Variants in ZBTB41 observed in about 807,000 individuals in gnomAD.
The protein encoded by ZBTB41 is zinc finger and BTB domain-containing protein 41.
ZBTB41 carries 42 observed loss-of-function variants against 87.6 expected under a neutral mutation model. The ratio of observed to expected loss-of-function variants is 0.48; its 90% CI spans 0.37 to 0.62. ZBTB41 has a LOEUF of 0.62. Ranked by LOEUF, ZBTB41 falls within the 20% of genes least tolerant of loss-of-function variation. The probability of loss-of-function intolerance (pLI) is 0.00; values close to 1 mark genes in which losing one functional copy is unlikely to be tolerated. For missense variants in ZBTB41, 799 were observed against 1,078.9 expected (o/e 0.74, Z 3.63); for synonymous variants, 364 against 364.0 (o/e 1.00, Z 0.00).
In ZBTB41 at chr1:197,188,422, A is replaced by G. The variant is rs772673864; in HGVS notation, c.1416T>C (p.Phe472=). 2 of 1,601,868 alleles carry G rather than the reference A, an allele frequency of 1.2e-6. No individual in the cohort carries two copies. The highest frequency in any genetic ancestry group is 2.7e-5 in the African/African-American group (2 of 74,182). Residue 472 remains phenylalanine (F), a synonymous_variant, in exon 5 of 11, where the codon TTT becomes TTC. Coordinates refer to ENST00000367405, the MANE Select transcript of ZBTB41 (RefSeq NM_194314.3). ...SWKCDICKKS[F]TRRPHLEEHM... is the part of the protein sequence containing the mutation. Reference sequence around the variant, plus strand: ...GTTCCTCCAAGTGTGGTCTTCGAGTAAAAGATTTCTTACAAATCTAAATTA... The same window carrying G: ...GTTCCTCCAAGTGTGGTCTTCGAGTGAAAGATTTCTTACAAATCTAAATTA...
chr1:197,195,721 C>T (rs1169090707), intron 2 of ZBTB41, among the ~76,000 whole-genome samples: 2 of 151,924 alleles, frequency 1.3e-5, no homozygotes, highest in Non-Finnish European at 2.9e-5. Flanking sequence ...TCTCTCTCAC[C>T]CCATCTGTCA....
chr1:197,195,826 C>G (rs941886136), intron 2 of ZBTB41, among the ~76,000 whole-genome samples: 12 of 152,218 alleles, frequency 7.9e-5, no homozygotes, highest in African/African-American at 2.9e-4. Context: ...GAGAGGAAGA[C>G]AGCCGGTAGC....
At chr1:197,175,200 A>C in intron 8 of ZBTB41, 85 bp from the exon 9 acceptor site, 1 of 1,094,518 alleles carries the variant, frequency 9.1e-7, no homozygotes, top group Non-Finnish European at 1.3e-6. Context: ...CAGTAAGATC[A>C]CATGATGTCA....
At chr1:197,161,791 G>A (rs1659206275) in intron 10 of ZBTB41, among the ~76,000 whole-genome samples, 1 of 151,850 alleles carries the variant, frequency 6.6e-6, no homozygotes, top group Admixed American at 6.6e-5. Flanking sequence ...GAACTCTTAA[G>A]TGCGTTCTAT....
chr1:197,175,299 T>A (rs1451571275), intron 8 of ZBTB41, among the ~76,000 whole-genome samples, 184 bp from the exon 9 acceptor site: 1 of 151,446 alleles, frequency 6.6e-6, no homozygotes, highest in African/African-American at 2.4e-5. Context: ...AAATGTATGC[T>A]TAATTTCATG....
In ZBTB41 at chr1:197,181,055, T is replaced by C; in HGVS notation, c.1609A>G (p.Ile537Val). 3 of 1,607,264 alleles carry C rather than the reference T, an allele frequency of 1.9e-6. No individual in the cohort carries two copies. Among genetic ancestry groups the C allele is most frequent in the Non-Finnish European group, 2.5e-6 (3 of 1,178,406 alleles). Residue 537 changes from isoleucine to valine, a missense_variant, in exon 6 of 11, where the codon ATA becomes GTA. Ile to Val is a conservative substitution (Grantham distance 29). Coordinates refer to ENST00000367405, the MANE Select transcript of ZBTB41 (RefSeq NM_194314.3). ...FNDTGNLKRH[I>V]ECTHGGKRKW... ...CTCTTTCCACCATGAGTACATTCTA[T>C]ATGACGTTTCAAATTTCCAGTGTCG...
intron 7 of ZBTB41, among the ~76,000 whole-genome samples, chr1:197,177,180 G>A (rs1659628390): frequency 6.6e-6 from 1 of 152,122 alleles, no homozygotes; most frequent in Non-Finnish European, 1.5e-5. Flanking sequence ...TATTGAAGGA[G>A]GGACCTGGTG....
chr1:197,165,843 C>T (rs1028449322), intron 10 of ZBTB41, among the ~76,000 whole-genome samples: 3 of 152,178 alleles, frequency 2.0e-5, no homozygotes, highest in Non-Finnish European at 4.4e-5. Flanking sequence ...CTGCAGCTCC[C>T]AGCAAGATCA....
In ZBTB41 at chr1:197,175,431, A is replaced by AATATATATATATATAT. The variant is rs67302873; in HGVS notation, c.1880-332_1880-317dup. ...ACTACTTCAAAACTTAGGAATTTTA[A>AATATATATATATATAT]ATATATATATATATATATGTCTGTA... On this transcript the variant is annotated intron_variant, in intron 8 of 10. Transcript: ENST00000367405. Among the ~76,000 whole-genome samples the AATATATATATATATAT allele has an allele frequency of 8.8e-3, 628 of 71,556 alleles. 47 individuals are homozygous for AATATATATATATATAT. The highest frequency in any genetic ancestry group is 0.017 in the East Asian group (27 of 1,546). 46.9% of individuals were successfully genotyped at this position (71,556 alleles called of 152,430 possible).
chr1:197,182,411 C>T (rs148132016), intron 5 of ZBTB41, among the ~76,000 whole-genome samples: 1 of 151,992 alleles, frequency 6.6e-6, no homozygotes, highest in Non-Finnish European at 1.5e-5. Context: ...TGGGCTCAAG[C>T]AATCCTTCCA....
rs1571656582 is a variant in ZBTB41, at chr1:197,178,275, C to G, written c.1772+142G>C. The G allele has an allele frequency of 4.1e-5, 18 of 440,878 alleles. No individual in the cohort carries two copies. In the South Asian group the frequency reaches 1.2e-3, roughly 29 times the overall value. The allele number at this position is 440,878 out of a possible 1,614,324, so 27.3% of individuals were successfully genotyped here. ...ATAAAATGTTTAGTAAAAAAAAAAT[C>G]TATGCAGTAAAGTTTTTGCACAACT... On this transcript the variant is annotated intron_variant, in intron 7 of 10. Transcript: ENST00000367405.
rs1489053942 is a variant in ZBTB41, at chr1:197,156,931, C to A, written c.*2428G>T. The stretch of plus-strand genomic sequence containing the variant: ...ACTGACCATGTGAGCTTAAATGAGT[C>A]CTTTTATCTTAACCTCAAATTCTTT... On this transcript the variant is annotated 3_prime_UTR_variant, in exon 11 of 11. Transcript: ENST00000367405. 6.6e-6 allele frequency: 1 copy of A among 152,042 alleles called. No homozygotes were observed. Among genetic ancestry groups the A allele is most frequent in the Non-Finnish European group, 1.5e-5 (1 of 67,660 alleles). 9.4% of individuals were successfully genotyped at this position (152,042 alleles called of 1,614,324 possible). A position where few individuals can be genotyped will look rare whatever the true frequency, so the allele number is the denominator to read the frequency against.
chr1:197,191,669 T>C, intron 3 of ZBTB41, 23 bp downstream of exon 3: 1 of 1,590,398 alleles, frequency 6.3e-7, no homozygotes, highest in East Asian at 2.2e-5. Flanking sequence ...TAAAGTATAT[T>C]ATGGAAGCAA....
chr1:197,185,519 T>G lies in ZBTB41; in HGVS notation c.1546+2773A>C, dbSNP rs538705959. Among the ~76,000 whole-genome samples, 3 of 152,098 alleles carry G rather than the reference T, an allele frequency of 2.0e-5. No homozygotes were observed. The South Asian group carries it at 6.2e-4, about 32-fold the overall frequency. ...TTTCCAAAACAAGAATGTCTCATTC[T>G]AAGCACTCACAAACCTATGCAACAT... On this transcript the variant is annotated intron_variant, in intron 5 of 10. Transcript: ENST00000367405.
intron 4 of ZBTB41, among the ~76,000 whole-genome samples, chr1:197,189,352 C>T (rs756282465): frequency 6.6e-6 from 1 of 151,814 alleles, no homozygotes. Flanking sequence ...ATAGTGAAAC[C>T]CCATCACTAC....
At chr1:197,178,109 G>A (rs1659656370) in intron 7 of ZBTB41, among the ~76,000 whole-genome samples, 1 of 151,752 alleles carries the variant, frequency 6.6e-6, no homozygotes, top group Admixed American at 6.6e-5. Flanking sequence ...AGTAAAGAGT[G>A]GAGAAATACA....
chr1:197,199,811 A>T lies in ZBTB41; in HGVS notation c.663T>A (p.Ser221=), dbSNP rs774815677. ...FCSRHFCYKK[S]LENHLAKTHR... is the part of the protein sequence containing the mutation. ...GGGTTTTAGCCAAATGATTCTCTAA[A>T]GACTTTTTATAACAAAAATGTCTAC... Residue 221 remains serine, a synonymous_variant, in exon 2 of 11, where the codon TCT becomes TCA. Coordinates refer to ENST00000367405, the MANE Select transcript of ZBTB41 (RefSeq NM_194314.3). 6.2e-7 allele frequency: 1 copy of T among 1,611,526 alleles called. No homozygotes were observed. Among genetic ancestry groups the T allele is most frequent in the Admixed American group, 1.7e-5 (1 of 59,492 alleles).
intron 2 of ZBTB41, among the ~76,000 whole-genome samples, chr1:197,192,247 C>T (rs1660054082): frequency 6.6e-6 from 1 of 152,000 alleles, no homozygotes; most frequent in Non-Finnish European, 1.5e-5. Flanking sequence ...TTAAAATTAA[C>T]TTTTAGCAAA....
chr1:197,190,298 T>C (rs1457175627), intron 4 of ZBTB41, among the ~76,000 whole-genome samples: 1 of 152,130 alleles, frequency 6.6e-6, no homozygotes, highest in African/African-American at 2.4e-5. Flanking sequence ...TGACTTCAGC[T>C]GACAACAAGC....
Sources: allele counts gnomAD v4.1 joint callset (sites outside exome capture counted in the v4.1 genomes callset), GRCh38; gene constraint gnomAD v4.1.1; transcripts MANE v1.5; gene names NCBI Gene and HGNC (gene_info 2026-07-23, HGNC 2026-07-21).